Variants in CCDC192 observed in about 807,000 individuals in gnomAD.
The protein encoded by CCDC192 is coiled-coil domain containing 192.
intron 3 of CCDC192, chr5:127,785,987 A>G: frequency 3.6e-6 from 2 of 562,678 alleles, no homozygotes; most frequent in Admixed American, 2.7e-5. Context: ...GCTTCTCCAC[A>G]TTTTTCAATA....
intron 2 of CCDC192, among the ~76,000 whole-genome samples, chr5:127,749,572 C>A (rs1754000872): frequency 6.6e-6 from 1 of 151,778 alleles, no homozygotes; most frequent in Non-Finnish European, 1.5e-5. Flanking sequence ...TTCTAAAATT[C>A]TCTTTTTTGG....
intron 6 of CCDC192, among the ~76,000 whole-genome samples, chr5:127,888,155 C>A (rs112297577): frequency 1.6e-3 from 240 of 152,130 alleles, no homozygotes; most frequent in African/African-American, 5.2e-3. Flanking sequence ...GTGGCTCCCG[C>A]CTGTAATCCC....
At chr5:127,839,851 A>C (rs1215029497) in intron 5 of CCDC192, among the ~76,000 whole-genome samples, 2 of 152,128 alleles carry the variant, frequency 1.3e-5, no homozygotes, top group Admixed American at 6.5e-5. Flanking sequence ...AAATACTGCC[A>C]ATACTCCATC....
At chr5:127,881,735 C>G (rs180926321) in intron 6 of CCDC192, among the ~76,000 whole-genome samples, 5 of 152,336 alleles carry the variant, frequency 3.3e-5, no homozygotes, top group African/African-American at 1.2e-4. Context: ...AGGAAACTTA[C>G]TTACAGCCTG....
At chr5:127,718,913 T>C (rs1185399914) in intron 2 of CCDC192, among the ~76,000 whole-genome samples, 1 of 152,210 alleles carries the variant, frequency 6.6e-6, no homozygotes, top group Non-Finnish European at 1.5e-5. Flanking sequence ...AATCCAATTA[T>C]ACTCTTTTAG....
chr5:127,934,024 C>T (rs577114091), intron 6 of CCDC192, among the ~76,000 whole-genome samples: 4 of 152,290 alleles, frequency 2.6e-5, no homozygotes, highest in African/African-American at 9.6e-5. Context: ...TTCTCAAGGC[C>T]CAGATGAGCA....
In CCDC192 at chr5:127,733,305, G is replaced by C. The variant is rs144705803; in HGVS notation, c.115-20963G>C. ...AGGAACATAAAACCTACAGCTTGAT[G>C]AGAGAATTTTCTTTTTACTTGCTAC... On this transcript the variant is annotated intron_variant, in intron 2 of 6. Coordinates refer to ENST00000514853, the MANE Select transcript of CCDC192 (RefSeq NM_001317938.2). 3.1e-3 allele frequency among the ~76,000 whole-genome samples: 479 copies of C among 152,264 alleles called. 2 individuals are homozygous for C. Among genetic ancestry groups the C allele is most frequent in the African/African-American group, 0.011 (460 of 41,536 alleles).
intron 2 of CCDC192, 70 bp downstream of exon 2, chr5:127,707,830 AATTAAT>A: frequency 2.5e-6 from 1 of 395,028 alleles, no homozygotes; most frequent in Non-Finnish European, 4.5e-6. Flanking sequence ...TAACTTCTTT[AATTAAT>A]ATTAAGGTTT....
chr5:127,836,580 C>T (rs1750047270), intron 5 of CCDC192, among the ~76,000 whole-genome samples: 1 of 152,222 alleles, frequency 6.6e-6, no homozygotes, highest in South Asian at 2.1e-4. Context: ...CATTTTCATA[C>T]CTCCTCTGAA....
chr5:127,838,781 C>G (rs1248287710), intron 5 of CCDC192: 2 of 152,196 alleles, frequency 1.3e-5, no homozygotes, highest in Admixed American at 1.3e-4. Flanking sequence ...ATTCACTCTT[C>G]CTGTGTATCC....
At chr5:127,715,559 G>A (rs193736) in intron 2 of CCDC192, among the ~76,000 whole-genome samples, 57,131 of 152,024 alleles carry the variant, frequency 0.38, 11,320 homozygotes, top group East Asian at 0.65. Context: ...TGCTTTGGCT[G>A]TTTGGAGTCT....
chr5:127,820,109 G>A (rs1168508786), intron 5 of CCDC192, among the ~76,000 whole-genome samples: 1 of 152,200 alleles, frequency 6.6e-6, no homozygotes, highest in African/African-American at 2.4e-5. Context: ...TTATGTGTGT[G>A]AGACTGAACA....
At chr5:127,772,171 T>C (rs1755592936) in intron 3 of CCDC192, among the ~76,000 whole-genome samples, 1 of 152,098 alleles carries the variant, frequency 6.6e-6, no homozygotes, top group Non-Finnish European at 1.5e-5. Flanking sequence ...TTCAAGAATG[T>C]CACCAACGGC....
chr5:127,806,881 A>G (rs1233447448), intron 5 of CCDC192, among the ~76,000 whole-genome samples: 1 of 152,220 alleles, frequency 6.6e-6, no homozygotes, highest in Non-Finnish European at 1.5e-5. Context: ...GAGCAGAAAG[A>G]TGAGCTATTT....
At chr5:127,786,592 G>A (rs545169455) in intron 3 of CCDC192, 93 of 726,778 alleles carry the variant, frequency 1.3e-4, no homozygotes, top group African/African-American at 3.1e-4. Flanking sequence ...TATTCCTTTC[G>A]TCCTTTGTCA....
At chr5:127,939,471 CAG>C (rs1754306753) in intron 6 of CCDC192, among the ~76,000 whole-genome samples, 2 of 152,052 alleles carry the variant, frequency 1.3e-5, no homozygotes, top group Non-Finnish European at 2.9e-5. Flanking sequence ...CTAACAAATT[CAG>C]AGCAAAAATT....
intron 3 of CCDC192, among the ~76,000 whole-genome samples, chr5:127,777,607 TG>T (rs966074426): frequency 9.9e-5 from 15 of 152,166 alleles, no homozygotes; most frequent in African/African-American, 3.1e-4. Flanking sequence ...TGATATGGTT[TG>T]ACTGTGTCCC....
chr5:127,887,950 G>A (rs1174745543), intron 6 of CCDC192, among the ~76,000 whole-genome samples: 2 of 151,838 alleles, frequency 1.3e-5, no homozygotes, highest in Non-Finnish European at 2.9e-5. Flanking sequence ...TGATCCACCC[G>A]CCTCGGCCTC....
chr5:127,756,769 G>T (rs1162238364), intron 3 of CCDC192, among the ~76,000 whole-genome samples: 1 of 152,230 alleles, frequency 6.6e-6, no homozygotes, highest in African/African-American at 2.4e-5. Context: ...TTGTTTCAGA[G>T]TCAAACCATG....
Sources: gnomAD v4.1 joint callset for allele counts (sites outside exome capture counted in the v4.1 genomes callset) on GRCh38, gnomAD v4.1.1 for gene constraint, MANE v1.5 for transcripts, NCBI Gene and HGNC (gene_info 2026-07-23, HGNC 2026-07-21) for gene names.